The following DIAPH2 variants were observed in gnomAD, a reference collection of about 807,000 sequenced individuals.
DIAPH2 encodes protein diaphanous homolog 2.
Under a neutral mutation model 92.7 loss-of-function variants are expected in DIAPH2, and 35 were observed. The ratio of observed to expected loss-of-function variants is 0.38; its 90% CI spans 0.29 to 0.50. The LOEUF is 0.50. Among genes scored for constraint, DIAPH2 ranks in the 20% least tolerant of loss-of-function variants. The probability of loss-of-function intolerance (pLI) is 0.94; values close to 1 mark genes in which losing one functional copy is unlikely to be tolerated. For synonymous variants in DIAPH2, 301 were observed against 280.4 expected (o/e 1.07, Z -0.73); for missense variants, 701 against 819.5 (o/e 0.86, Z 1.77).
intron 26 of DIAPH2, among the ~76,000 whole-genome samples, chrX:97,482,233 A>T (rs1323191176): frequency 8.9e-6 from 1 of 112,225 alleles, no homozygotes; most frequent in Non-Finnish European, 1.9e-5. Context: ...AACAGCTAGG[A>T]TATAATAACA....
At chrX:97,136,394 A>G (rs2067170299) in intron 21 of DIAPH2, among the ~76,000 whole-genome samples, 1 of 112,080 alleles carries the variant, frequency 8.9e-6, no homozygotes, top group Non-Finnish European at 1.9e-5. Flanking sequence ...AGGTCATACA[A>G]GTAGTAAATG....
intron 19 of DIAPH2, among the ~76,000 whole-genome samples, chrX:97,079,170 C>G (rs2066724756): frequency 9.0e-6 from 1 of 111,004 alleles, no homozygotes; most frequent in Non-Finnish European, 1.9e-5. Flanking sequence ...TTGCATTTTA[C>G]TTACTCTGAC....
At chrX:97,089,731 T>G (rs2066808787) in intron 19 of DIAPH2, among the ~76,000 whole-genome samples, 1 of 110,373 alleles carries the variant, frequency 9.1e-6, no homozygotes, top group African/African-American at 3.3e-5. Context: ...ATTATTTTAT[T>G]TTATTTTTTT....
intron 4 of DIAPH2, among the ~76,000 whole-genome samples, chrX:96,798,640 T>C (rs1055219605): frequency 1.8e-5 from 2 of 111,840 alleles, no homozygotes; most frequent in African/African-American, 6.5e-5. Flanking sequence ...AATTTTTTGA[T>C]AGGATGCTAG....
At chrX:97,386,445 G>A (rs2069601204) in intron 25 of DIAPH2, among the ~76,000 whole-genome samples, 1 of 111,740 alleles carries the variant, frequency 8.9e-6, no homozygotes, top group Non-Finnish European at 1.9e-5. Flanking sequence ...TAAGGTGGGT[G>A]GATCACGAGG....
intron 1 of DIAPH2, among the ~76,000 whole-genome samples, chrX:96,705,204 C>T (rs1276653943): frequency 9.1e-6 from 1 of 110,432 alleles, no homozygotes; most frequent in Non-Finnish European, 1.9e-5. Flanking sequence ...GAACTGACCT[C>T]ATGATCCGCC....
chrX:96,751,680 GTCTCGC>G (rs2064192693), intron 3 of DIAPH2, among the ~76,000 whole-genome samples: 1 of 42,740 alleles, frequency 2.3e-5, no homozygotes, highest in African/African-American at 8.8e-5. Flanking sequence ...TTGAGACGAA[GTCTCGC>G]TCTGTCGCCC....
chrX:96,737,717 C>T (rs779464550), intron 2 of DIAPH2, among the ~76,000 whole-genome samples: 22 of 111,341 alleles, frequency 2.0e-4, no homozygotes, highest in Non-Finnish European at 4.0e-4. Context: ...ATCAGTGGTT[C>T]GAAGTCAATA....
rs747695865 is a variant in DIAPH2 at position 97,351,664 on chromosome X, G to A, written c.3009+3384G>A. Among the ~76,000 whole-genome samples, 19 of 110,915 alleles carry A rather than the reference G, an allele frequency of 1.7e-4. No homozygotes were observed. The East Asian group carries it at 5.1e-3, about 30-fold the overall frequency. On this transcript the variant is annotated intron_variant, in intron 24 of 26. Coordinates refer to ENST00000324765, the MANE Select transcript of DIAPH2 (RefSeq NM_006729.5). ...TAAAAATACAAAAAATTAGCCGGGCGTGGTGGCGGGCGCCTGTAGTCCCAG... is the reference window on the plus strand; with the variant it reads ...TAAAAATACAAAAAATTAGCCGGGCATGGTGGCGGGCGCCTGTAGTCCCAG...
rs190554685 is a variant in DIAPH2 at position 96,960,370 on chromosome X, G to A, written c.1935+2222G>A. ...GGTTTTTTATTTTTTTGTAGCTATT[G>A]TAAATGAGATTGCCTTTTTATTTTT... On this transcript the variant is annotated intron_variant, in intron 16 of 26. Transcript: ENST00000324765. Among the ~76,000 whole-genome samples the A allele has an allele frequency of 8.0e-4, 88 of 110,233 alleles. 1 individual carries two copies. Among genetic ancestry groups the A allele is most frequent in the African/African-American group, 2.7e-3 (82 of 30,428 alleles).
intron 1 of DIAPH2, among the ~76,000 whole-genome samples, chrX:96,699,761 T>G (rs1348997139): frequency 8.9e-6 from 1 of 111,886 alleles, no homozygotes; most frequent in Admixed American, 9.5e-5. Context: ...GTTTGTTTCA[T>G]TGATTCCCGC....
chrX:97,434,700 G>A (rs2070164038), intron 26 of DIAPH2, among the ~76,000 whole-genome samples: 1 of 111,244 alleles, frequency 9.0e-6, no homozygotes, highest in South Asian at 3.8e-4. Context: ...GTGAGCTACC[G>A]CACCCAGCCG....
chrX:97,334,998 C>CAAAAAAAAAAAAAAACAAAAAAAAAA (rs2069043116), intron 23 of DIAPH2, among the ~76,000 whole-genome samples: 1 of 31,462 alleles, frequency 3.2e-5, no homozygotes, highest in Non-Finnish European at 6.1e-5. Context: ...AAAAACAAAA[C>CAAAAAAAAAAAAAAACAAAAAAAAAA]AAAAAAAAAA....
At position 97,263,623 on chromosome X, in the gene DIAPH2, G is replaced by T. The variant is rs200622491; in HGVS notation, c.2844+15784G>T. 6.1e-4 allele frequency among the ~76,000 whole-genome samples: 66 copies of T among 108,517 alleles called. No homozygotes were observed. In the East Asian group the frequency reaches 0.016, roughly 26 times the overall value. 94.2% of individuals were successfully genotyped at this position (108,517 alleles called of 115,157 possible). A position where few individuals can be genotyped will look rare whatever the true frequency, so the allele number is the denominator to read the frequency against. ...TATTTTTGAGACAGAGTCTTGCTCT[G>T]TCAGCCAGGCTGGAGTGCAGTGGCA... is the stretch of plus-strand genomic sequence containing the variant. On this transcript the variant is annotated intron_variant, in intron 23 of 26. Transcript: ENST00000324765.
At chrX:97,082,441 GA>G (rs1325475643) in intron 19 of DIAPH2, among the ~76,000 whole-genome samples, 1 of 102,581 alleles carries the variant, frequency 9.7e-6, no homozygotes, top group Non-Finnish European at 2.0e-5. Flanking sequence ...CCAACGTAAT[GA>G]AACCCCGACT....
intron 4 of DIAPH2, among the ~76,000 whole-genome samples, chrX:96,793,314 A>G (rs1413539246): frequency 9.0e-6 from 1 of 111,495 alleles, no homozygotes; most frequent in Admixed American, 9.4e-5. Flanking sequence ...GATTACGGGC[A>G]TGCGCCACCA....
intron 26 of DIAPH2, among the ~76,000 whole-genome samples, chrX:97,434,469 T>C (rs1234334762): frequency 2.8e-5 from 3 of 105,906 alleles, no homozygotes; most frequent in African/African-American, 1.0e-4. Flanking sequence ...AGTGCAGTGG[T>C]GCGATCTCCG....
intron 23 of DIAPH2, among the ~76,000 whole-genome samples, chrX:97,308,288 T>C (rs1024891574): frequency 8.9e-6 from 1 of 111,773 alleles, no homozygotes; most frequent in African/African-American, 3.3e-5. Context: ...AGTATTTCAT[T>C]GCTGCTTAAC....
At chrX:97,290,499 A>G (rs150517006) in intron 23 of DIAPH2, among the ~76,000 whole-genome samples, 361 of 112,182 alleles carry the variant, frequency 3.2e-3, no homozygotes, top group African/African-American at 0.011. Flanking sequence ...AGCCAGTACA[A>G]TATGAAAATG....
Sources: gnomAD v4.1 joint callset for allele counts (sites outside exome capture counted in the v4.1 genomes callset) on GRCh38, gnomAD v4.1.1 for gene constraint, MANE v1.5 for transcripts, NCBI Gene and HGNC (gene_info 2026-07-23, HGNC 2026-07-21) for gene names.